The following CCL26 variants were observed in gnomAD, a reference collection of about 807,000 sequenced individuals.
The protein encoded by CCL26 is C-C motif chemokine ligand 26.
Under a neutral mutation model 10.7 loss-of-function variants are expected in CCL26, and 10 were observed. The ratio of observed to expected loss-of-function variants is 0.93; its 90% CI spans 0.57 to 1.58. CCL26 has a LOEUF of 1.58. CCL26 is among the 40% of genes most tolerant of loss of function. CCL26 has a pLI of 0.00. For synonymous variants in CCL26, 43 were observed against 41.4 expected (o/e 1.04, Z -0.15); for missense variants, 116 against 111.0 (o/e 1.05, Z -0.20).
intron 1 of CCL26, among the ~76,000 whole-genome samples, chr7:75,788,267 A>G (rs1361965735): frequency 1.3e-5 from 2 of 152,140 alleles, no homozygotes; most frequent in African/African-American, 4.8e-5. Flanking sequence ...AGAAGTGAAA[A>G]TGGCCTGTTC....
chr7:75,787,593 C>T (rs370740907), intron 1 of CCL26, among the ~76,000 whole-genome samples: 21 of 131,908 alleles, frequency 1.6e-4, no homozygotes, highest in Non-Finnish European at 2.6e-4. Context: ...TGCAGTGAGC[C>T]GGGATCACAC....
At chr7:75,784,829 C>T (rs1050172100) in intron 1 of CCL26, among the ~76,000 whole-genome samples, 2 of 152,020 alleles carry the variant, frequency 1.3e-5, no homozygotes, top group Non-Finnish European at 1.5e-5. Flanking sequence ...GTATAGGACA[C>T]CTCTACTCCC....
Position 75,772,182 on chromosome 7 carries a change from T to G in CCL26, c.-6A>C, listed in dbSNP as rs1484776920. On this transcript the variant is annotated 5_prime_UTR_variant, in exon 1 of 3. Coordinates refer to ENST00000005180, the MANE Select transcript of CCL26 (RefSeq NM_001371938.1). ...GCCAAGGAGAGGCCCATCATGATGC[T>G]GCAAATCAGGCCCTTCTCAGGTTTC... The G allele has an allele frequency of 6.5e-7, 1 of 1,549,124 alleles. No individual in the cohort carries two copies. The highest frequency in any genetic ancestry group is 8.7e-7 in the Non-Finnish European group (1 of 1,145,782).
At chr7:75,782,459 C>T (rs1225136776) in intron 1 of CCL26, among the ~76,000 whole-genome samples, 4 of 151,994 alleles carry the variant, frequency 2.6e-5, no homozygotes, top group African/African-American at 9.7e-5. Context: ...GGGCTGCTCC[C>T]CACCCCCCTT....
At position 75,772,012 on chromosome 7, in the gene CCL26, C is replaced by T; in HGVS notation, c.74-9G>A. ...GGATATGTCACTCCCACCTAAAAAT[C>T]AGGGAGAGGAAGGGTTTGGAGATAC... On this transcript the variant is annotated splice_polypyrimidine_tract_variant and intron_variant, in intron 1 of 2. Coordinates refer to ENST00000005180, the MANE Select transcript of CCL26 (RefSeq NM_001371938.1). The T allele has an allele frequency of 6.2e-7, 1 of 1,610,870 alleles. No individual in the cohort carries two copies. The highest frequency in any genetic ancestry group is 8.5e-7 in the Non-Finnish European group (1 of 1,176,990).
intron 1 of CCL26, among the ~76,000 whole-genome samples, chr7:75,782,888 C>A (rs1803095106): frequency 6.6e-6 from 1 of 152,086 alleles, no homozygotes; most frequent in African/African-American, 2.4e-5. Context: ...TCCTTTGAAT[C>A]CTTCTTTTCT....
chr7:75,778,091 T>C (rs1213604052), intron 1 of CCL26, among the ~76,000 whole-genome samples: 3 of 152,212 alleles, frequency 2.0e-5, no homozygotes, highest in Non-Finnish European at 4.4e-5. Flanking sequence ...GCACTCCTAT[T>C]GCCTATTTGA....
chr7:75,770,445 G>C (rs11465346), intron 2 of CCL26, among the ~76,000 whole-genome samples: 17 of 151,388 alleles, frequency 1.1e-4, no homozygotes, highest in African/African-American at 4.1e-4. Context: ...GCAATGGCGC[G>C]ATCTCGGCTC....
intron 1 of CCL26, among the ~76,000 whole-genome samples, chr7:75,777,713 C>T (rs1189739669): frequency 1.6e-4 from 2 of 12,158 alleles, no homozygotes. Flanking sequence ...GAGTGAGATC[C>T]TGTCTCAGAA....
At chr7:75,773,072 T>C (rs1802865770), upstream of CCL26, among the ~76,000 whole-genome samples, 1 of 152,188 alleles carries the variant, frequency 6.6e-6, no homozygotes, top group South Asian at 2.1e-4. Flanking sequence ...CCAGCCCATC[T>C]TCTTGGGGCC....
upstream of CCL26, among the ~76,000 whole-genome samples, chr7:75,791,213 G>C (rs1554530808): frequency 6.6e-6 from 1 of 151,704 alleles, no homozygotes; most frequent in African/African-American, 2.4e-5. Context: ...TTTTAGTAGA[G>C]ACAAGGTTTT....
chr7:75,780,943 C>G (rs1803047203), intron 1 of CCL26, among the ~76,000 whole-genome samples: 1 of 152,180 alleles, frequency 6.6e-6, no homozygotes, highest in Admixed American at 6.6e-5. Context: ...CAGCAATTTC[C>G]TCTTAAAAAG....
At position 75,769,619 on chromosome 7, in the gene CCL26, A is replaced by G. The variant is rs782797514; in HGVS notation, c.*74T>C. The G allele has an allele frequency of 1.9e-5, 18 of 966,028 alleles. No individual in the cohort carries two copies. Among genetic ancestry groups the G allele is most frequent in the Non-Finnish European group, 2.7e-5 (16 of 602,310 alleles). 59.8% of individuals were successfully genotyped at this position (966,028 alleles called of 1,614,324 possible). A position where few individuals can be genotyped will look rare whatever the true frequency, so the allele number is the denominator to read the frequency against. Reference sequence around the variant, plus strand: ...CGGGTCCATGTAGCCTTCAGAAAAGATTCCGCAGGCTCCCCAGAGGGCTGC... The same window carrying G: ...CGGGTCCATGTAGCCTTCAGAAAAGGTTCCGCAGGCTCCCCAGAGGGCTGC... On this transcript the variant is annotated 3_prime_UTR_variant, in exon 3 of 3. Transcript: ENST00000005180.
upstream of CCL26, chr7:75,772,233 C>T (rs11465332): frequency 0.017 from 21,622 of 1,299,710 alleles, 700 homozygotes; most frequent in African/African-American, 0.12. Flanking sequence ...GCCTGATCCC[C>T]TTTTATGAGA....
intron 1 of CCL26, among the ~76,000 whole-genome samples, chr7:75,781,591 G>A (rs546096386): frequency 2.0e-4 from 31 of 152,344 alleles, no homozygotes; most frequent in African/African-American, 7.0e-4. Context: ...CTGCACGTAT[G>A]CATCCAGATG....
chr7:75,776,258 G>A (rs1038505561), upstream of CCL26, among the ~76,000 whole-genome samples: 2 of 151,670 alleles, frequency 1.3e-5, no homozygotes, highest in Non-Finnish European at 2.9e-5. Flanking sequence ...TATTGGTAGA[G>A]ATGGGGTTTC....
chr7:75,771,188 G>T (rs1278019017), intron 2 of CCL26, among the ~76,000 whole-genome samples: 2 of 151,988 alleles, frequency 1.3e-5, no homozygotes, highest in Non-Finnish European at 2.9e-5. Context: ...GGGCTCAAGC[G>T]ATCGTCTAAA....
At chr7:75,790,650 T>C (rs1376461386), upstream of CCL26, among the ~76,000 whole-genome samples, 5 of 152,064 alleles carry the variant, frequency 3.3e-5, no homozygotes, top group African/African-American at 7.2e-5. Context: ...ACCCTGTTTA[T>C]AAAACATTTG....
chr7:75,781,653 C>A (rs1554529468), intron 1 of CCL26, among the ~76,000 whole-genome samples: 1 of 152,238 alleles, frequency 6.6e-6, no homozygotes, highest in Non-Finnish European at 1.5e-5. Context: ...CTGTTCCTGC[C>A]TTAACTGATG....
Sources: gnomAD v4.1 joint callset for allele counts (sites outside exome capture counted in the v4.1 genomes callset) on GRCh38, gnomAD v4.1.1 for gene constraint, MANE v1.5 for transcripts, NCBI Gene and HGNC (gene_info 2026-07-23, HGNC 2026-07-21) for gene names.